COL23A1: variants seen among roughly 807,000 people sequenced by gnomAD.
COL23A1 encodes the protein collagen type XXIII alpha 1 chain.
A neutral mutation model predicts 99.3 loss-of-function variants in COL23A1; 97 were observed. That is an observed-to-expected ratio of 0.98 (90% CI 0.83 to 1.16). The LOEUF (loss-of-function observed/expected upper bound fraction) is 1.16, where lower values mean the gene tolerates loss of function less well. COL23A1 is among the 50% of genes most tolerant of loss of function. The pLI is 0.00. For missense variants in COL23A1, 762 were observed against 757.4 expected, an observed-to-expected ratio of 1.01 and a Z score of -0.07; for synonymous variants, 320 against 308.2, an observed-to-expected ratio of 1.04 and a Z score of -0.40.
intron 2 of COL23A1, among the ~76,000 whole-genome samples, chr5:178,507,778 A>C (rs1031963509): frequency 6.6e-6 from 1 of 152,188 alleles, no homozygotes; most frequent in Non-Finnish European, 1.5e-5. Flanking sequence ...CAGATTTCGG[A>C]AAGTGGATTT....
At chr5:178,473,949 T>G (rs1291299386) in intron 2 of COL23A1, among the ~76,000 whole-genome samples, 1 of 152,242 alleles carries the variant, frequency 6.6e-6, no homozygotes, top group Non-Finnish European at 1.5e-5. Flanking sequence ...ATCATTTTTA[T>G]TTCCCTGCAA....
chr5:178,502,281 G>A (rs181356633), intron 2 of COL23A1, among the ~76,000 whole-genome samples: 218 of 152,202 alleles, frequency 1.4e-3, no homozygotes, highest in African/African-American at 4.7e-3. Context: ...ACAGGCGCCC[G>A]CCACCACGCC....
Position 178,542,798 on chromosome 5 carries a change from G to A in COL23A1, c.361+17884C>T, listed in dbSNP as rs58826415. 5.3e-5 allele frequency among the ~76,000 whole-genome samples: 8 copies of A among 152,256 alleles called. No individual in the cohort carries two copies. The East Asian group carries it at 1.2e-3, about 22-fold the overall frequency. On this transcript the variant is annotated intron_variant, in intron 2 of 28. Transcript: ENST00000390654. ...GAACAGTCTCTGAGTAAGAACGGCC[G>A]GGCCTCTGGGGTTCATTTAGGTTGG...
chr5:178,374,000 A>T (rs1474291451), intron 2 of COL23A1, among the ~76,000 whole-genome samples: 1 of 152,088 alleles, frequency 6.6e-6, no homozygotes, highest in South Asian at 2.1e-4. Flanking sequence ...TCAACTTCTC[A>T]GTTTTCTCTG....
chr5:178,252,365 T>G (rs1360406963), intron 17 of COL23A1, among the ~76,000 whole-genome samples, 179 bp downstream of exon 17: 1 of 152,020 alleles, frequency 6.6e-6, no homozygotes, highest in Non-Finnish European at 1.5e-5. Flanking sequence ...TCTCCCAGAG[T>G]AGATCGAGCC....
chr5:178,514,820 G>T (rs576983391), intron 2 of COL23A1, among the ~76,000 whole-genome samples: 1 of 152,206 alleles, frequency 6.6e-6, no homozygotes, highest in Non-Finnish European at 1.5e-5. Context: ...TCTTCATAGG[G>T]CCCAAGTTAC....
At chr5:178,539,545 C>CAAAAAAAAAA (rs58424731) in intron 2 of COL23A1, among the ~76,000 whole-genome samples, 66 of 78,360 alleles carry the variant, frequency 8.4e-4, no homozygotes, top group East Asian at 2.4e-3. Flanking sequence ...GACTCTGTCT[C>CAAAAAAAAAA]AAAAAAAAAA....
chr5:178,290,976 C>T (rs968022529), intron 3 of COL23A1, among the ~76,000 whole-genome samples: 6 of 152,206 alleles, frequency 3.9e-5, no homozygotes, highest in African/African-American at 1.4e-4. Context: ...ATGTTGCATA[C>T]TCGTTATTGC....
At chr5:178,511,375 G>A (rs533117066) in intron 2 of COL23A1, among the ~76,000 whole-genome samples, 1 of 152,298 alleles carries the variant, frequency 6.6e-6, no homozygotes, top group South Asian at 2.1e-4. Context: ...TCTCCAGGCT[G>A]GAAACTACTC....
chr5:178,517,128 C>T (rs1371442078), intron 2 of COL23A1, among the ~76,000 whole-genome samples: 1 of 152,160 alleles, frequency 6.6e-6, no homozygotes, highest in African/African-American at 2.4e-5. Context: ...AAGTGCCCAG[C>T]AAGGCATGGT....
At chr5:178,490,781 GA>G (rs1353032757) in intron 2 of COL23A1, among the ~76,000 whole-genome samples, 1 of 151,540 alleles carries the variant, frequency 6.6e-6, no homozygotes, top group African/African-American at 2.4e-5. Flanking sequence ...TGTCTCAAAA[GA>G]AAAAAAGATT....
chr5:178,266,216 T>G (rs1755888043), intron 8 of COL23A1, among the ~76,000 whole-genome samples: 1 of 152,066 alleles, frequency 6.6e-6, no homozygotes, highest in African/African-American at 2.4e-5. Context: ...AATTTTTGTA[T>G]TTTTAGTAGA....
At chr5:178,357,867 ATGTGTGTGCATGTGTACG>A (rs1278740772) in intron 2 of COL23A1, among the ~76,000 whole-genome samples, 1 of 142,274 alleles carries the variant, frequency 7.0e-6, no homozygotes, top group Non-Finnish European at 1.5e-5. Context: ...GTGTATGTAT[ATGTGTGTGCATGTGTACG>A]TGTGTGTGTA....
chr5:178,375,327 G>A (rs925065408), intron 2 of COL23A1, among the ~76,000 whole-genome samples: 3 of 152,222 alleles, frequency 2.0e-5, no homozygotes, highest in African/African-American at 7.2e-5. Context: ...GGGATGAAAA[G>A]GTCCTAAAAC....
rs996060025 is a variant in COL23A1 at position 178,281,449 on chromosome 5, C to T, written c.441+6875G>A. Among the ~76,000 whole-genome samples, 1 of 152,138 alleles carries T rather than the reference C, an allele frequency of 6.6e-6. No individual in the cohort carries two copies. Among genetic ancestry groups the T allele is most frequent in the Non-Finnish European group, 1.5e-5 (1 of 68,030 alleles). ...GAGCTCTCGCAGTCCCCTGGGGCCC[C>T]GGCTGTCGCTGCTCCCAGGACTGAG... On this transcript the variant is annotated intron_variant, in intron 5 of 28. Transcript: ENST00000390654. This position sits in a 1 kb window ranked among gnomAD's most constrained non-coding sequence, Gnocchi z 4.0.
intron 2 of COL23A1, among the ~76,000 whole-genome samples, chr5:178,486,220 T>C (rs1018317967): frequency 6.6e-6 from 1 of 151,706 alleles, no homozygotes; most frequent in Non-Finnish European, 1.5e-5. Context: ...GATGTGGGAG[T>C]GTTCGACAAG....
At chr5:178,388,088 C>T (rs1763771156) in intron 2 of COL23A1, among the ~76,000 whole-genome samples, 1 of 152,220 alleles carries the variant, frequency 6.6e-6, no homozygotes, top group South Asian at 2.1e-4. Flanking sequence ...CCTGCCAGAG[C>T]CCTTCCGTTA....
intron 1 of COL23A1, among the ~76,000 whole-genome samples, chr5:178,564,671 G>A (rs1404768371): frequency 5.3e-5 from 8 of 152,140 alleles, no homozygotes; most frequent in Non-Finnish European, 1.5e-5. Flanking sequence ...GGGAAGGGCG[G>A]CAAGAGCTCA....
At chr5:178,333,235 C>T (rs142230203) in intron 2 of COL23A1, among the ~76,000 whole-genome samples, 4,030 of 152,252 alleles carry the variant, frequency 0.026, 181 homozygotes, top group African/African-American at 0.091. Context: ...GCATTACAGG[C>T]GTGAGCCACC....
Sources: allele counts gnomAD v4.1 joint callset (sites outside exome capture counted in the v4.1 genomes callset), GRCh38; gene constraint gnomAD v4.1.1; non-coding constraint Gnocchi (gnomAD v3.1); transcripts MANE v1.5; gene names NCBI Gene and HGNC (gene_info 2026-07-23, HGNC 2026-07-21).